The following HIRA variants were observed in gnomAD, a reference collection of about 807,000 sequenced individuals.
HIRA encodes the protein histone cell cycle regulator.
HIRA carries 13 observed loss-of-function variants against 126.6 expected under a neutral mutation model. That is an observed-to-expected ratio of 0.10 (90% CI 0.07 to 0.16). The LOEUF (loss-of-function observed/expected upper bound fraction) is 0.16, where lower values mean the gene tolerates loss of function less well. Among genes scored for constraint, HIRA ranks in the 10% least tolerant of loss-of-function variants. The pLI, the probability that HIRA is intolerant of heterozygous loss-of-function variation, is 1.00. For synonymous variants in HIRA, 511 were observed against 520.0 expected (o/e 0.98, Z 0.24); for missense variants, 834 against 1,314.4 (o/e 0.63, Z 5.65).
chr22:19,427,671 C>T (rs2089499070), intron 1 of HIRA, among the ~76,000 whole-genome samples: 1 of 152,218 alleles, frequency 6.6e-6, no homozygotes, highest in African/African-American at 2.4e-5. Flanking sequence ...CAAAGGTGGA[C>T]AAGAGCTCTT....
Position 19,408,495 on chromosome 22 carries a change from C to G in HIRA, c.199G>C (p.Asp67His), listed in dbSNP as rs1249683618. Residue 67 changes from aspartate to histidine, a missense_variant, in exon 3 of 25, where the codon GAC (aspartate) becomes CAC (histidine). By Grantham distance (81) the Asp-to-His change is moderately conservative. Transcript: ENST00000263208. ...CACTCTGTAATACCTAAGTGATTGT[C>G]CATCTGGCAAAGCATCTTGGGAATA... ...ENIPKMLCQM[D>H]NHLACVNCVR... 1 of 1,607,408 alleles carries G rather than the reference C, an allele frequency of 6.2e-7. No individual in the cohort carries two copies. The highest frequency in any genetic ancestry group is 2.2e-5 in the East Asian group (1 of 44,838).
intron 17 of HIRA, among the ~76,000 whole-genome samples, chr22:19,359,931 C>T (rs1420029902): frequency 1.3e-5 from 2 of 152,194 alleles, no homozygotes; most frequent in African/African-American, 4.8e-5. Context: ...CATGTCAGTG[C>T]TTGGAGGGAA....
chr22:19,426,219 C>G (rs2089487295), intron 1 of HIRA, among the ~76,000 whole-genome samples: 1 of 152,148 alleles, frequency 6.6e-6, no homozygotes, highest in African/African-American at 2.4e-5. Flanking sequence ...CCTCTAGGGC[C>G]TGCCTAAGAC....
In HIRA at chr22:19,354,219, GC is replaced by G. The variant is rs1205453292; in HGVS notation, c.2562-102del. The G allele has an allele frequency of 5.6e-6, 7 of 1,241,224 alleles. No individual in the cohort carries two copies. The African/African-American group carries it at 1.1e-4, about 19-fold the overall frequency. 76.9% of individuals were successfully genotyped at this position (1,241,224 alleles called of 1,614,324 possible). On this transcript the variant is annotated intron_variant, in intron 21 of 24. Transcript: ENST00000263208. ...CTGGCAAAGAGGCCACAGAGAAGCAGCCCCTGCCGACACAGAAAGCCAGTAG... is the reference window on the plus strand; with the variant it reads ...CTGGCAAAGAGGCCACAGAGAAGCAGCCCTGCCGACACAGAAAGCCAGTAG...
intron 1 of HIRA, among the ~76,000 whole-genome samples, chr22:19,428,889 C>T (rs886535335): frequency 1.3e-5 from 2 of 152,186 alleles, no homozygotes; most frequent in African/African-American, 2.4e-5. Flanking sequence ...CACAATTTTA[C>T]TGGCCACTAC....
chr22:19,359,554 G>A (rs2088845241), intron 17 of HIRA, 70 bp from the exon 18 acceptor site: 2 of 1,411,932 alleles, frequency 1.4e-6, no homozygotes, highest in African/African-American at 1.5e-5. Flanking sequence ...CCAAGGCTCT[G>A]TAGCCTGGGG....
intron 1 of HIRA, among the ~76,000 whole-genome samples, chr22:19,420,814 A>G (rs2089440537): frequency 6.6e-6 from 1 of 152,220 alleles, no homozygotes. Context: ...TCCATGTAAC[A>G]AAACTGCACT....
intron 24 of HIRA, among the ~76,000 whole-genome samples, chr22:19,339,163 T>C (rs1199983329): frequency 6.6e-6 from 1 of 152,114 alleles, no homozygotes; most frequent in African/African-American, 2.4e-5. Flanking sequence ...CTCAAAACTA[T>C]ACAAATACAT....
At chr22:19,404,475 A>G (rs1424204854) in intron 5 of HIRA, among the ~76,000 whole-genome samples, 4 of 152,216 alleles carry the variant, frequency 2.6e-5, no homozygotes, top group African/African-American at 9.7e-5. Flanking sequence ...GGCCAATTAC[A>G]CAATTTAATT....
intron 15 of HIRA, among the ~76,000 whole-genome samples, chr22:19,372,430 G>A (rs186373027): frequency 8.6e-5 from 13 of 152,036 alleles, no homozygotes; most frequent in African/African-American, 2.4e-4. Context: ...TGTGTTATTC[G>A]TCTTTTTATT....
intron 9 of HIRA, 30 bp from the exon 10 acceptor site, chr22:19,388,584 G>A (rs1453414138): frequency 5.2e-6 from 8 of 1,550,912 alleles, no homozygotes; most frequent in African/African-American, 1.4e-5. Flanking sequence ...CAAGGTTAAT[G>A]AAATTACTGA....
chr22:19,370,840 G>A (rs985217775), intron 15 of HIRA, among the ~76,000 whole-genome samples: 3 of 152,170 alleles, frequency 2.0e-5, no homozygotes, highest in African/African-American at 7.2e-5. Context: ...AAATGTGATG[G>A]TGGCCCCTTA....
At chr22:19,373,604 C>T (rs1282890409) in intron 15 of HIRA, among the ~76,000 whole-genome samples, 2 of 152,178 alleles carry the variant, frequency 1.3e-5, no homozygotes, top group East Asian at 3.8e-4. Flanking sequence ...GATTTCTATA[C>T]AACACAAGTA....
intron 24 of HIRA, 94 bp from the exon 25 acceptor site, chr22:19,331,650 T>C: frequency 8.5e-7 from 1 of 1,171,350 alleles, no homozygotes; most frequent in Non-Finnish European, 1.2e-6. Context: ...TTGTGTCTGC[T>C]CACGGGAGAA....
At chr22:19,358,127 G>A (rs1734107102) in intron 18 of HIRA, among the ~76,000 whole-genome samples, 1 of 152,110 alleles carries the variant, frequency 6.6e-6, no homozygotes. Context: ...AGCCTCCCGA[G>A]TAGCTGGGAT....
intron 19 of HIRA, among the ~76,000 whole-genome samples, chr22:19,356,492 G>A (rs2088813261): frequency 6.6e-6 from 1 of 152,192 alleles, no homozygotes; most frequent in Non-Finnish European, 1.5e-5. Context: ...ACAAAGCCCA[G>A]GCAACAGAGC....
intron 24 of HIRA, among the ~76,000 whole-genome samples, chr22:19,348,731 A>AAG (rs1220798157): frequency 6.6e-6 from 1 of 152,020 alleles, no homozygotes; most frequent in Admixed American, 6.6e-5. Flanking sequence ...TCCTGACCTC[A>AAG]TGATCCGACC....
At chr22:19,399,142 G>A (rs2089246933) in intron 5 of HIRA, 2 of 985,420 alleles carry the variant, frequency 2.0e-6, no homozygotes, top group South Asian at 9.4e-5. Context: ...GCCATCAGGG[G>A]TGAAGGGCGC....
At chr22:19,333,206 CAA>C (rs536449214) in intron 24 of HIRA, among the ~76,000 whole-genome samples, 19 of 151,904 alleles carry the variant, frequency 1.3e-4, no homozygotes, top group Non-Finnish European at 2.1e-4. Context: ...CTATGCCTGG[CAA>C]AAGTCATTTC....
Sources: gnomAD v4.1 joint callset for allele counts (sites outside exome capture counted in the v4.1 genomes callset) on GRCh38, gnomAD v4.1.1 for gene constraint, MANE v1.5 for transcripts, NCBI Gene and HGNC (gene_info 2026-07-23, HGNC 2026-07-21) for gene names.